EDAR: variants seen among roughly 807,000 people sequenced by gnomAD.
The protein encoded by EDAR is ectodysplasin A receptor.
EDAR carries 38 observed loss-of-function variants against 51.3 expected under a neutral mutation model. The observed-to-expected ratio is 0.74, with a 90% CI of 0.57 to 0.97. The LOEUF (loss-of-function observed/expected upper bound fraction) is 0.97. Among genes scored for constraint, EDAR ranks in the 50% least tolerant of loss-of-function variants. The probability of loss-of-function intolerance (pLI) is 0.00; values close to 1 mark genes in which losing one functional copy is unlikely to be tolerated. For synonymous variants in EDAR, 227 were observed against 242.1 expected (o/e 0.94, Z 0.58); for missense variants, 528 against 595.0 (o/e 0.89, Z 1.17).
chr2:108,906,517 A>G (rs2105390598), intron 10 of EDAR, 149 bp from the exon 11 acceptor site: 2 of 838,986 alleles, frequency 2.4e-6, no homozygotes, highest in Non-Finnish European at 4.0e-6. Context: ...CAGCCCTGAC[A>G]CACAGGGAGG....
chr2:108,953,780 C>T lies in EDAR; in HGVS notation c.-18-22748G>A, dbSNP rs372158803. 2.0e-5 allele frequency among the ~76,000 whole-genome samples: 3 copies of T among 152,098 alleles called. No homozygotes were observed. In the East Asian group the frequency reaches 5.8e-4, roughly 29 times the overall value. On this transcript the variant is annotated intron_variant, in intron 1 of 11. Coordinates refer to ENST00000258443, the MANE Select transcript of EDAR (RefSeq NM_022336.4). ...ACCAGAAAACTGGCAGGTGGAGAGG[C>T]CAGTTAGGCAGAAGAAAATGGTTCT...
intron 4 of EDAR, among the ~76,000 whole-genome samples, chr2:108,925,186 C>T (rs915771607): frequency 6.6e-6 from 1 of 152,246 alleles, no homozygotes; most frequent in Non-Finnish European, 1.5e-5. Context: ...GCCTTGTTCA[C>T]GTCTCTATTC....
At chr2:108,931,177 A>T (rs1697360006) in intron 1 of EDAR, 145 bp from the exon 2 acceptor site, 1 of 736,612 alleles carries the variant, frequency 1.4e-6, no homozygotes, top group Admixed American at 2.0e-5. Context: ...GCAGACATGA[A>T]GCTGAAGCTG....
intron 5 of EDAR, among the ~76,000 whole-genome samples, chr2:108,914,024 G>A (rs2105409348): frequency 6.6e-6 from 1 of 151,968 alleles, no homozygotes; most frequent in South Asian, 2.1e-4. Context: ...ACTTTGGGAG[G>A]CCAAGGTGGG....
chr2:108,920,328 T>C (rs260642), intron 5 of EDAR, among the ~76,000 whole-genome samples: 115,796 of 152,094 alleles, frequency 0.76, 44,735 homozygotes, highest in East Asian at 0.92. Context: ...TGTAATGAAA[T>C]CCAAGCCTGA....
At chr2:108,919,522 C>T (rs1470479272) in intron 5 of EDAR, among the ~76,000 whole-genome samples, 1 of 152,124 alleles carries the variant, frequency 6.6e-6, no homozygotes, top group African/African-American at 2.4e-5. Context: ...CCACGCCCAG[C>T]TAATTTTGTA....
chr2:108,906,356 T>C lies in EDAR; in HGVS notation c.976A>G (p.Arg326Gly), dbSNP rs964875788. ...SNKSAGIQSRRKKILDVYANV... is the reference protein window; with the variant it reads ...SNKSAGIQSRGKKILDVYANV... Reference sequence around the variant, plus strand: ...GCATACACATCGAGGATCTTTTTCCTCCGGCTTTGAATCTGTGAAAAAGAG... The same window carrying C: ...GCATACACATCGAGGATCTTTTTCCCCCGGCTTTGAATCTGTGAAAAAGAG... The change falls in exon 11 of 12, where the codon AGG becomes GGG. Residue 326 changes from arginine (R) to glycine (G), a missense_variant. Physicochemically the swap from Arg to Gly is moderately radical, Grantham distance 125 (BLOSUM62 -2). Coordinates refer to ENST00000258443, the MANE Select transcript of EDAR (RefSeq NM_022336.4). The C allele has an allele frequency of 1.2e-6, 2 of 1,613,990 alleles. No individual in the cohort carries two copies. The highest frequency in any genetic ancestry group is 1.7e-6 in the Non-Finnish European group (2 of 1,180,030).
intron 1 of EDAR, among the ~76,000 whole-genome samples, chr2:108,938,687 T>C (rs574218020): frequency 6.6e-6 from 1 of 152,294 alleles, no homozygotes; most frequent in South Asian, 2.1e-4. Context: ...TTTTGCCTTA[T>C]CAAAATTGAG....
At chr2:108,953,215 C>T (rs968318006) in intron 1 of EDAR, among the ~76,000 whole-genome samples, 4 of 152,186 alleles carry the variant, frequency 2.6e-5, no homozygotes, top group Non-Finnish European at 5.9e-5. Flanking sequence ...TAAGCCGATG[C>T]TTCAGAATTG....
chr2:108,988,791 C>A (rs1310144973), intron 1 of EDAR, among the ~76,000 whole-genome samples, 169 bp downstream of exon 1: 4 of 152,204 alleles, frequency 2.6e-5, no homozygotes, highest in Non-Finnish European at 5.9e-5. Context: ...AATCTCAGGT[C>A]TTAGAACTGG....
Position 108,956,962 on chromosome 2 carries a change from G to C in EDAR, c.-18-25930C>G, listed in dbSNP as rs574224547. Among the ~76,000 whole-genome samples the C allele has an allele frequency of 7.4e-4, 113 of 152,080 alleles. 1 individual carries two copies. Among genetic ancestry groups the C allele is most frequent in the Non-Finnish European group, 1.5e-3 (99 of 67,994 alleles). On this transcript the variant is annotated intron_variant, in intron 1 of 11. Coordinates refer to ENST00000258443, the MANE Select transcript of EDAR (RefSeq NM_022336.4). ...TACCACCACGCCCCGCTAATTTTTT[G>C]TATTTTTAGTAGAGACGGGGTTTCT...
intron 1 of EDAR, among the ~76,000 whole-genome samples, chr2:108,971,832 C>T (rs1426978000): frequency 1.3e-5 from 2 of 152,172 alleles, no homozygotes; most frequent in Admixed American, 6.5e-5. Context: ...TTTAGTGACT[C>T]GTTTCTAGCC....
chr2:108,956,884 G>A (rs1469172264), intron 1 of EDAR, among the ~76,000 whole-genome samples: 1 of 151,990 alleles, frequency 6.6e-6, no homozygotes, highest in South Asian at 2.1e-4. Context: ...CACCTCCCAG[G>A]TTCAAGCGGT....
intron 1 of EDAR, among the ~76,000 whole-genome samples, chr2:108,946,851 A>G (rs1225321797): frequency 6.6e-6 from 1 of 152,036 alleles, no homozygotes; most frequent in Non-Finnish European, 1.5e-5. Context: ...GGGTGGGGAC[A>G]CAGAGCCAAA....
At chr2:108,941,823 T>G (rs1697604431) in intron 1 of EDAR, among the ~76,000 whole-genome samples, 2 of 152,222 alleles carry the variant, frequency 1.3e-5, no homozygotes, top group South Asian at 4.1e-4. Flanking sequence ...GCAAGGGCAC[T>G]TCTGCCCTGG....
chr2:108,963,866 C>A (rs1234494912), intron 1 of EDAR, among the ~76,000 whole-genome samples: 1 of 152,072 alleles, frequency 6.6e-6, no homozygotes, highest in African/African-American at 2.4e-5. Flanking sequence ...GGAGAGACAC[C>A]CACACACTCA....
At chr2:108,966,713 A>C (rs765945082) in intron 1 of EDAR, among the ~76,000 whole-genome samples, 69 of 152,188 alleles carry the variant, frequency 4.5e-4, no homozygotes, top group Non-Finnish European at 9.0e-4. Flanking sequence ...GCCTGTAGAG[A>C]AGGGCTTCCC....
At position 108,894,989 on chromosome 2, in the gene EDAR, A is replaced by C. The variant is rs1340485747; in HGVS notation, c.*1918T>G. ...GAATGGCACACTCATCACAAGTGAC[A>C]TTTGCAGTCTAATTAAGGGGAGACT... On this transcript the variant is annotated 3_prime_UTR_variant, in exon 12 of 12. Coordinates refer to ENST00000258443, the MANE Select transcript of EDAR (RefSeq NM_022336.4). The C allele has an allele frequency of 6.6e-6, 1 of 151,678 alleles. No homozygotes were observed. Among genetic ancestry groups the C allele is most frequent in the Non-Finnish European group, 1.5e-5 (1 of 67,968 alleles). The allele number at this position is 151,678 out of a possible 1,614,324, so 9.4% of individuals were successfully genotyped here.
At chr2:108,928,404 C>T (rs893608433) in intron 4 of EDAR, among the ~76,000 whole-genome samples, 3 of 152,154 alleles carry the variant, frequency 2.0e-5, no homozygotes, top group Admixed American at 1.3e-4. Flanking sequence ...GCCTTATGCA[C>T]TAAGCTGTGG....
Sources: allele counts gnomAD v4.1 joint callset (sites outside exome capture counted in the v4.1 genomes callset), GRCh38; gene constraint gnomAD v4.1.1; transcripts MANE v1.5; gene names NCBI Gene and HGNC (gene_info 2026-07-23, HGNC 2026-07-21).